Variants in RABGAP1L observed in about 807,000 individuals in gnomAD.
The protein encoded by RABGAP1L is RAB GTPase activating protein 1 like, also known as rab GTPase-activating protein 1-like.
In RABGAP1L, 63 loss-of-function variants were observed where a neutral mutation model predicts 137.7. The observed-to-expected ratio is 0.46, with a 90% confidence interval of 0.37 to 0.56. The LOEUF (loss-of-function observed/expected upper bound fraction) is 0.56, where lower values mean the gene tolerates loss of function less well. Among genes scored for constraint, RABGAP1L ranks in the 20% least tolerant of loss-of-function variants. The pLI is 0.00. For synonymous variants in RABGAP1L, 431 were observed against 433.7 expected (o/e 0.99, Z 0.08); for missense variants, 1,095 against 1,244.0 (o/e 0.88, Z 1.80).
chr1:174,812,566 T>C (rs1055616382), intron 19 of RABGAP1L, among the ~76,000 whole-genome samples: 2 of 152,220 alleles, frequency 1.3e-5, no homozygotes, highest in Non-Finnish European at 2.9e-5. Flanking sequence ...CTCTACAATA[T>C]ACCAGGGTAT....
chr1:174,213,362 T>C (rs1307584576), intron 1 of RABGAP1L, among the ~76,000 whole-genome samples: 2 of 152,022 alleles, frequency 1.3e-5, no homozygotes, highest in Non-Finnish European at 2.9e-5. Flanking sequence ...GAGGTGGAGG[T>C]TGCAGTGAGC....
At chr1:174,191,334 G>A (rs1667198186) in intron 1 of RABGAP1L, among the ~76,000 whole-genome samples, 1 of 151,944 alleles carries the variant, frequency 6.6e-6, no homozygotes, top group Admixed American at 6.5e-5. Context: ...GAAAACTGGG[G>A]TGAATGAAGA....
Position 174,662,121 on chromosome 1 carries a change from T to TTTTTG in RABGAP1L, c.1825-21401_1825-21400insTTTTG, listed in dbSNP as rs59243192. Reference sequence around the variant, plus strand: ...TCTTTTCTTTTTTTTTTTTTTTTTTTGAGTTGGAGTCTGGCTCTGTCGCCC... The same window carrying TTTTTG: ...TCTTTTCTTTTTTTTTTTTTTTTTTTTTTTGGAGTTGGAGTCTGGCTCTGTCGCCC... On this transcript the variant is annotated intron_variant, in intron 14 of 25. Coordinates refer to ENST00000681986, the MANE Select transcript of RABGAP1L (RefSeq NM_001366446.1). Among the ~76,000 whole-genome samples the TTTTTG allele has an allele frequency of 2.6e-4, 35 of 135,232 alleles. 1 individual carries two copies. The highest frequency in any genetic ancestry group is 3.9e-4 in the African/African-American group (13 of 33,426). The allele number at this position is 135,232 out of a possible 152,430, so 88.7% of individuals were successfully genotyped here. A position where few individuals can be genotyped will look rare whatever the true frequency, so the allele number is the denominator to read the frequency against.
chr1:174,581,355 A>C (rs1479967508), intron 13 of RABGAP1L, among the ~76,000 whole-genome samples: 1 of 152,234 alleles, frequency 6.6e-6, no homozygotes, highest in Non-Finnish European at 1.5e-5. Context: ...ATTACTGAGC[A>C]GTAAAAAGGA....
chr1:174,207,034 C>G (rs1668551907), intron 1 of RABGAP1L, among the ~76,000 whole-genome samples: 1 of 152,132 alleles, frequency 6.6e-6, no homozygotes, highest in South Asian at 2.1e-4. Flanking sequence ...AAACAAAACA[C>G]TGATACATAC....
chr1:174,903,372 G>A (rs1277883692), intron 19 of RABGAP1L, among the ~76,000 whole-genome samples: 1 of 152,190 alleles, frequency 6.6e-6, no homozygotes, highest in African/African-American at 2.4e-5. Flanking sequence ...CAGATTATGA[G>A]TGGAATGTGA....
chr1:174,544,646 G>A (rs1023694071), intron 13 of RABGAP1L, among the ~76,000 whole-genome samples: 2 of 152,192 alleles, frequency 1.3e-5, no homozygotes, highest in Admixed American at 6.5e-5. Flanking sequence ...TATTGCTGGC[G>A]AGGAGCTGCG....
chr1:174,179,789 C>T (rs1666206783), intron 1 of RABGAP1L, among the ~76,000 whole-genome samples: 1 of 152,156 alleles, frequency 6.6e-6, no homozygotes, highest in African/African-American at 2.4e-5. Context: ...TGGGGGACTT[C>T]TGGGGTCCAT....
intron 20 of RABGAP1L, among the ~76,000 whole-genome samples, chr1:174,962,624 A>G (rs1052170161): frequency 6.6e-6 from 1 of 151,558 alleles, no homozygotes; most frequent in African/African-American, 2.4e-5. Context: ...CTTTTTTGCC[A>G]TCCTTAAATA....
At chr1:174,668,225 A>G (rs1676926790) in intron 14 of RABGAP1L, among the ~76,000 whole-genome samples, 1 of 152,230 alleles carries the variant, frequency 6.6e-6, no homozygotes, top group Non-Finnish European at 1.5e-5. Flanking sequence ...ATCTAACTAT[A>G]ATTATGTATC....
intron 13 of RABGAP1L, among the ~76,000 whole-genome samples, chr1:174,595,633 C>T (rs140863038): frequency 1.3e-5 from 2 of 149,204 alleles, no homozygotes; most frequent in Non-Finnish European, 1.5e-5. Context: ...GTCAGTGTGC[C>T]CCTGCTGGGG....
chr1:174,364,288 T>C (rs1684415525), intron 11 of RABGAP1L, among the ~76,000 whole-genome samples: 1 of 118,998 alleles, frequency 8.4e-6, no homozygotes, highest in South Asian at 3.3e-4. Flanking sequence ...GGAGTCTCGC[T>C]CTGTCGCCCA....
At chr1:174,892,579 A>G in intron 19 of RABGAP1L, 1 of 531,458 alleles carries the variant, frequency 1.9e-6, no homozygotes, top group East Asian at 5.3e-5. Context: ...CAAGGGTGGT[A>G]TTTACATGCC....
chr1:174,183,238 G>A (rs868027149), intron 1 of RABGAP1L, among the ~76,000 whole-genome samples: 13 of 152,068 alleles, frequency 8.5e-5, no homozygotes, highest in Admixed American at 1.3e-4. Context: ...TATTAAAATG[G>A]ATGCCAATAA....
intron 15 of RABGAP1L, 130 bp from the exon 16 acceptor site, chr1:174,699,395 G>T: frequency 1.5e-6 from 1 of 653,974 alleles, no homozygotes; most frequent in Non-Finnish European, 2.4e-6. Flanking sequence ...CCAAAGACTG[G>T]CTCTGAAGGA....
chr1:174,917,670 C>T (rs569836107), intron 19 of RABGAP1L, among the ~76,000 whole-genome samples: 4 of 152,270 alleles, frequency 2.6e-5, no homozygotes, highest in East Asian at 1.9e-4. Context: ...TGGTGGCTCA[C>T]GCCTGTAACC....
At chr1:174,568,146 G>A (rs890205635) in intron 13 of RABGAP1L, among the ~76,000 whole-genome samples, 1 of 151,988 alleles carries the variant, frequency 6.6e-6, no homozygotes, top group Non-Finnish European at 1.5e-5. Flanking sequence ...GGGAGCCAGC[G>A]CATCACATGA....
chr1:174,602,419 AT>A (rs1670482877), intron 13 of RABGAP1L, among the ~76,000 whole-genome samples: 1 of 152,170 alleles, frequency 6.6e-6, no homozygotes, highest in Non-Finnish European at 1.5e-5. Flanking sequence ...CGTGAGACTT[AT>A]TCACTCTGCA....
At chr1:174,847,189 A>G (rs1694153693) in intron 19 of RABGAP1L, among the ~76,000 whole-genome samples, 2 of 150,194 alleles carry the variant, frequency 1.3e-5, no homozygotes, top group African/African-American at 2.5e-5. Context: ...CCAACTTGCC[A>G]GTCTGTGTCT....
Sources: allele counts gnomAD v4.1 joint callset (sites outside exome capture counted in the v4.1 genomes callset), GRCh38; gene constraint gnomAD v4.1.1; transcripts MANE v1.5; gene names NCBI Gene and HGNC (gene_info 2026-07-23, HGNC 2026-07-21).